HSD17B13: variants seen among roughly 807,000 people sequenced by gnomAD.
The protein encoded by HSD17B13 is hydroxysteroid 17-beta dehydrogenase 13, also known as 17-beta-hydroxysteroid dehydrogenase 13.
HSD17B13 carries 26 observed loss-of-function variants against 31.1 expected under a neutral mutation model. The observed-to-expected ratio is 0.84, with a 90% confidence interval of 0.61 to 1.16. The LOEUF (loss-of-function observed/expected upper bound fraction) is 1.16, where lower values mean the gene tolerates loss of function less well. Ranked by LOEUF, HSD17B13 falls within the 50% of genes most tolerant of loss-of-function variation. The probability of loss-of-function intolerance (pLI) is 0.00; values close to 1 mark genes in which losing one functional copy is unlikely to be tolerated. For missense variants in HSD17B13, 374 were observed against 366.5 expected (o/e 1.02, Z -0.17); for synonymous variants, 141 against 133.7 (o/e 1.05, Z -0.38).
intron 6 of HSD17B13, among the ~76,000 whole-genome samples, chr4:87,306,322 C>A (rs1211924401): frequency 6.6e-6 from 1 of 152,176 alleles, no homozygotes; most frequent in Non-Finnish European, 1.5e-5. Context: ...CCAAGAGACA[C>A]CACCAGAATC....
At chr4:87,316,049 T>C (rs1734642842) in intron 3 of HSD17B13, among the ~76,000 whole-genome samples, 1 of 152,232 alleles carries the variant, frequency 6.6e-6, no homozygotes, top group Non-Finnish European at 1.5e-5. Context: ...TACACCACAC[T>C]AATGAATCAT....
intron 4 of HSD17B13, 83 bp downstream of exon 4, chr4:87,315,410 G>C (rs1275468554): frequency 4.6e-6 from 3 of 658,782 alleles, no homozygotes; most frequent in Non-Finnish European, 7.4e-6. Context: ...CAAGAACCAG[G>C]ACTCTCCAGT....
chr4:87,317,023 C>G (rs1253347983), intron 3 of HSD17B13, 69 bp downstream of exon 3: 1 of 1,499,548 alleles, frequency 6.7e-7, no homozygotes, highest in Non-Finnish European at 9.3e-7. Flanking sequence ...AGTATGTGAA[C>G]TCCGTTATAA....
At chr4:87,315,811 C>A (rs1430584449) in intron 3 of HSD17B13, among the ~76,000 whole-genome samples, 1 of 152,138 alleles carries the variant, frequency 6.6e-6, no homozygotes, top group Non-Finnish European at 1.5e-5. Flanking sequence ...CAACACTAAT[C>A]TCAGTACTCC....
rs776888218 is a variant in HSD17B13, at chr4:87,322,309, TC to T, written c.210+322del. ...AATTTTCAGATCCCGTTCTTGCCCA[TC>T]CCCTAAGTTATTATCCCCACTTCAG... is the stretch of plus-strand genomic sequence containing the variant. On this transcript the variant is annotated intron_variant, in intron 1 of 6. Coordinates refer to ENST00000328546, the MANE Select transcript of HSD17B13 (RefSeq NM_178135.5). 3.3e-5 allele frequency among the ~76,000 whole-genome samples: 5 copies of T among 152,294 alleles called. No homozygotes were observed. The South Asian group carries it at 1.0e-3, about 32-fold the overall frequency.
chr4:87,307,014 T>G lies in HSD17B13; in HGVS notation c.813-1706A>C, dbSNP rs188008080. Among the ~76,000 whole-genome samples the G allele has an allele frequency of 1.6e-3, 246 of 151,378 alleles. 1 individual carries two copies. In the South Asian group the frequency reaches 0.025, roughly 15 times the overall value. On this transcript the variant is annotated intron_variant, in intron 6 of 6. Transcript: ENST00000328546. ...GTCATATTGAAAATCACTTTGGTAT[T>G]GTTGACTAATGCAAGATTTACTTCC...
rs373516751 is a variant in HSD17B13, at chr4:87,320,933, A to T, written c.210+1699T>A. On this transcript the variant is annotated intron_variant, in intron 1 of 6. Coordinates refer to ENST00000328546, the MANE Select transcript of HSD17B13 (RefSeq NM_178135.5). Reference sequence around the variant, plus strand: ...CTAAAGGAGATCTGAGTTACATTACAGCCTTAGAGTGAATCATTCAGTAGC... The same window carrying T: ...CTAAAGGAGATCTGAGTTACATTACTGCCTTAGAGTGAATCATTCAGTAGC... Among the ~76,000 whole-genome samples the T allele has an allele frequency of 5.3e-5, 8 of 152,342 alleles. No homozygotes were observed. The East Asian group carries it at 9.6e-4, about 18-fold the overall frequency.
Position 87,305,269 on chromosome 4 carries a change from C to A in HSD17B13, c.852G>T (p.Met284Ile). The A allele has an allele frequency of 6.2e-7, 1 of 1,608,126 alleles. No homozygotes were observed. The highest frequency in any genetic ancestry group is 1.1e-5 in the South Asian group (1 of 89,760). The change falls in exon 7 of 7, where the codon ATG (methionine) becomes ATT (isoleucine). Residue 284 changes from methionine (M) to isoleucine (I), a missense_variant. Transcript: ENST00000328546. ...PERASAILNR[M>I]QNIQFEAVVG... is the part of the protein sequence containing the mutation. ...CCACTGCTTCAAATTGAATATTCTGCATACGATTTAAAATCGCTGAGGCGC... is the reference window on the plus strand; with the variant it reads ...CCACTGCTTCAAATTGAATATTCTGAATACGATTTAAAATCGCTGAGGCGC...
chr4:87,313,325 C>T (rs1328414537), intron 5 of HSD17B13, among the ~76,000 whole-genome samples: 1 of 152,262 alleles, frequency 6.6e-6, no homozygotes, highest in Non-Finnish European at 1.5e-5. Flanking sequence ...ATTTTGTTAA[C>T]CTGCAGCAGA....
intron 4 of HSD17B13, 134 bp from the exon 5 acceptor site, chr4:87,314,094 G>A (rs1457035445): frequency 2.6e-5 from 14 of 545,400 alleles, no homozygotes; most frequent in Admixed American, 2.5e-4. Context: ...TTTTCTGAGA[G>A]TATAAATGGC....
intron 2 of HSD17B13, 24 bp from the exon 3 acceptor site, chr4:87,317,247 T>G (rs771920377): frequency 6.2e-7 from 1 of 1,612,450 alleles, no homozygotes; most frequent in South Asian, 1.1e-5. Flanking sequence ...AAGAACACTT[T>G]CACTGGGTGT....
intron 6 of HSD17B13, among the ~76,000 whole-genome samples, chr4:87,308,693 T>TAAAA (rs1323358884): frequency 6.8e-6 from 1 of 147,254 alleles, no homozygotes; most frequent in African/African-American, 2.5e-5. Flanking sequence ...AAAAATATAA[T>TAAAA]AAAAATAAAT....
In HSD17B13 at chr4:87,312,684, C is replaced by T. The variant is rs546377442; in HGVS notation, c.695+1139G>A. Among the ~76,000 whole-genome samples the T allele has an allele frequency of 2.5e-3, 382 of 151,448 alleles. 2 individuals are homozygous for T. Among genetic ancestry groups the T allele is most frequent in the Middle Eastern group, 0.014 (4 of 292 alleles). On this transcript the variant is annotated intron_variant, in intron 5 of 6. Transcript: ENST00000328546. ...AGCTGGGACTACAGGCGCCCGCCACCACGCCCGGCTAATTTTTTTGTGTTT... is the reference window on the plus strand; with the variant it reads ...AGCTGGGACTACAGGCGCCCGCCACTACGCCCGGCTAATTTTTTTGTGTTT...
rs369113353 is a variant in HSD17B13 at position 87,318,367 on chromosome 4, A to C, written c.280T>G (p.Cys94Gly). Residue 94 changes from cysteine (C) to glycine (G), a missense_variant, in exon 2 of 7, where the codon TGC (cysteine) becomes GGC (glycine). Transcript: ENST00000328546. Reference sequence around the variant, plus strand: ...CGATAGATCTCTTCTCTGTTGCTGCAGTCTACCACATACGCATGCGCAGTG... The same window carrying C: ...CGATAGATCTCTTCTCTGTTGCTGCCGTCTACCACATACGCATGCGCAGTG... ...GVTAHAYVVD[C>G]SNREEIYRSL... 6.2e-7 allele frequency: 1 copy of C among 1,614,146 alleles called. No homozygotes were observed. The highest frequency in any genetic ancestry group is 2.2e-5 in the East Asian group (1 of 44,888).
chr4:87,318,223 T>C, intron 2 of HSD17B13, 106 bp downstream of exon 2: 1 of 839,644 alleles, frequency 1.2e-6, no homozygotes, highest in Non-Finnish European at 2.0e-6. Flanking sequence ...AGTTAGCAGC[T>C]AAAATCCAAT....
chr4:87,314,641 T>TTTCACA (rs1553956169), intron 4 of HSD17B13, among the ~76,000 whole-genome samples: 1 of 142,252 alleles, frequency 7.0e-6, no homozygotes, highest in African/African-American at 2.5e-5. Flanking sequence ...TCTCTCTCTC[T>TTTCACA]CACACACACA....
At chr4:87,308,948 T>C (rs10433937) in intron 6 of HSD17B13, among the ~76,000 whole-genome samples, 3 of 101,734 alleles carry the variant, frequency 2.9e-5, no homozygotes, top group African/African-American at 8.1e-5. Context: ...AAAAAAAGCT[T>C]ATCGAGTTTA....
intron 6 of HSD17B13, 29 bp from the exon 7 acceptor site, chr4:87,305,337 A>C: frequency 6.9e-7 from 1 of 1,449,398 alleles, no homozygotes; most frequent in Non-Finnish European, 9.3e-7. Context: ...AAAATTGAAA[A>C]ATTTTCCATT....
intron 1 of HSD17B13, 88 bp from the exon 2 acceptor site, chr4:87,318,524 G>A: frequency 9.3e-7 from 1 of 1,078,284 alleles, no homozygotes; most frequent in South Asian, 1.3e-5. Context: ...ATTCGGCTAG[G>A]CGCGGTGGCT....
Sources: gnomAD v4.1 joint callset for allele counts (sites outside exome capture counted in the v4.1 genomes callset) on GRCh38, gnomAD v4.1.1 for gene constraint, MANE v1.5 for transcripts, NCBI Gene and HGNC (gene_info 2026-07-23, HGNC 2026-07-21) for gene names.